BMF: variants seen among roughly 807,000 people sequenced by gnomAD.
BMF encodes the protein bcl-2-modifying factor.
A neutral mutation model predicts 22.0 loss-of-function variants in BMF; 10 were observed. That is an observed-to-expected ratio of 0.45 (90% CI 0.28 to 0.77). The LOEUF (loss-of-function observed/expected upper bound fraction) is 0.77, where lower values mean the gene tolerates loss of function less well. BMF is among the 30% of genes least tolerant of loss of function. The probability of loss-of-function intolerance (pLI) is 0.13; values close to 1 mark genes in which losing one functional copy is unlikely to be tolerated. For synonymous variants in BMF, 87 were observed against 88.1 expected (o/e 0.99, Z 0.07); for missense variants, 206 against 226.8 (o/e 0.91, Z 0.59).
At chr15:40,096,964 G>A (rs1186466598) in intron 4 of BMF, among the ~76,000 whole-genome samples, 1 of 152,210 alleles carries the variant, frequency 6.6e-6, no homozygotes, top group Non-Finnish European at 1.5e-5. Context: ...TCTAGGGGAA[G>A]GTGCACAGTC....
chr15:40,100,331 T>C (rs190147685), intron 4 of BMF, among the ~76,000 whole-genome samples: 2 of 152,224 alleles, frequency 1.3e-5, no homozygotes, highest in East Asian at 3.9e-4. Context: ...ATCTGCACCA[T>C]GCTCTTCCAT....
intron 4 of BMF, among the ~76,000 whole-genome samples, chr15:40,102,416 C>CAAA (rs71132141): frequency 4.2e-3 from 406 of 95,644 alleles, no homozygotes; most frequent in East Asian, 8.2e-3. Flanking sequence ...GCGAAAGAGC[C>CAAA]AAAAAAAAAA....
chr15:40,104,214 A>G lies in BMF; in HGVS notation c.419T>C (p.Ile140Thr). Residue 140 changes from isoleucine to threonine, a missense_variant, in exon 4 of 5, where the codon ATT becomes ACT. Physicochemically the swap from Ile to Thr is moderately conservative, Grantham distance 89. Transcript: ENST00000354670. ...ATGAAGCCGGTGGAACTGGTCTGCA[A>G]TGCACTGAAGCTTTCGGGCAATCTG... ...EVQIARKLQC[I>T]ADQFHRLHVQ... is the part of the protein sequence containing the mutation. The G allele has an allele frequency of 6.2e-7, 1 of 1,614,206 alleles. No individual in the cohort carries two copies. The highest frequency in any genetic ancestry group is 8.5e-7 in the Non-Finnish European group (1 of 1,180,024).
At chr15:40,092,594 G>A (rs1467832515) in intron 4 of BMF, among the ~76,000 whole-genome samples, 1 of 152,130 alleles carries the variant, frequency 6.6e-6, no homozygotes, top group Non-Finnish European at 1.5e-5. Flanking sequence ...CCTACTGACT[G>A]GAGCCAATTA....
At position 40,105,852 on chromosome 15, in the gene BMF, T is replaced by C. The variant is rs780180283; in HGVS notation, c.235A>G (p.Ser79Gly). ...ATQTLSPASPSQGVMLPCGVT... is the reference protein window; with the variant it reads ...ATQTLSPASPGQGVMLPCGVT... The stretch of plus-strand genomic sequence containing the variant: ...CCACAAGGCAGCATGACACCTTGGC[T>C]GGGGGAGGCTGGGCTGAGAGTCTGG... The change falls in exon 3 of 5, where the codon AGC becomes GGC. Residue 79 changes from serine (S) to glycine (G), a missense_variant. Physicochemically the swap from Ser to Gly is moderately conservative, Grantham distance 56. Transcript: ENST00000354670. 3 of 1,613,894 alleles carry C rather than the reference T, an allele frequency of 1.9e-6. No individual in the cohort carries two copies. In the East Asian group the frequency reaches 6.7e-5, roughly 36 times the overall value.
At position 40,106,797 on chromosome 15, in the gene BMF, C is replaced by T. The variant is rs2036597832; in HGVS notation, c.-5-706G>A. Among the ~76,000 whole-genome samples, 1 of 152,192 alleles carries T rather than the reference C, an allele frequency of 6.6e-6. No homozygotes were observed. Among genetic ancestry groups the T allele is most frequent in the Admixed American group, 6.5e-5 (1 of 15,284 alleles). On this transcript the variant is annotated intron_variant, in intron 2 of 4. Coordinates refer to ENST00000354670, the MANE Select transcript of BMF (RefSeq NM_001003940.2). The surrounding 1 kb of genome is among the most constrained non-coding windows in gnomAD (Gnocchi z 4.1). ...AGACCCAAGCTAGTCATTGCAGCTG[C>T]CGTCTCGGCTCTCTTTGAGCAGAGT...
At chr15:40,100,547 G>T (rs954933091) in intron 4 of BMF, among the ~76,000 whole-genome samples, 1 of 152,212 alleles carries the variant, frequency 6.6e-6, no homozygotes, top group Admixed American at 6.5e-5. Context: ...CAACTCTCTT[G>T]CTGCTTTGGA....
intron 4 of BMF, among the ~76,000 whole-genome samples, chr15:40,092,653 A>G (rs2036264219): frequency 6.6e-6 from 1 of 152,194 alleles, no homozygotes; most frequent in South Asian, 2.1e-4. Flanking sequence ...CAAAGAATAT[A>G]TACTATGCTC....
chr15:40,104,481 G>A (rs1355671176), intron 3 of BMF, 141 bp from the exon 4 acceptor site: 1 of 1,089,456 alleles, frequency 9.2e-7, no homozygotes, highest in Non-Finnish European at 1.3e-6. Flanking sequence ...CTCTATTGGA[G>A]CACTCTGCCA....
intron 4 of BMF, among the ~76,000 whole-genome samples, chr15:40,103,754 T>G (rs1157112411): frequency 6.6e-6 from 1 of 152,212 alleles, no homozygotes; most frequent in Non-Finnish European, 1.5e-5. Context: ...TCCCTTGGCC[T>G]GGTTACCCGT....
At chr15:40,104,746 A>T (rs893407277) in intron 3 of BMF, among the ~76,000 whole-genome samples, 1 of 152,228 alleles carries the variant, frequency 6.6e-6, no homozygotes, top group African/African-American at 2.4e-5. Context: ...TGGGTTGAGC[A>T]AAGTAAGAGG....
At chr15:40,107,158 G>T (rs758269485) in intron 2 of BMF, among the ~76,000 whole-genome samples, 1 of 152,110 alleles carries the variant, frequency 6.6e-6, no homozygotes, top group Non-Finnish European at 1.5e-5. Context: ...CACATACCAG[G>T]AACTGCTTAG....
intron 4 of BMF, among the ~76,000 whole-genome samples, chr15:40,099,544 C>G (rs2036432095): frequency 6.6e-6 from 1 of 152,016 alleles, no homozygotes. Context: ...TTTGGGAGGC[C>G]GAGATGGGCG....
intron 3 of BMF, 127 bp from the exon 4 acceptor site, chr15:40,104,467 C>T: frequency 8.0e-7 from 1 of 1,247,822 alleles, no homozygotes; most frequent in Non-Finnish European, 1.1e-6. Flanking sequence ...AGGAGCCAGC[C>T]TGCCTCTATT....
chr15:40,098,493 G>A (rs751328769), intron 4 of BMF, among the ~76,000 whole-genome samples: 4 of 151,736 alleles, frequency 2.6e-5, no homozygotes, highest in Non-Finnish European at 5.9e-5. Flanking sequence ...CCTGTTGTGT[G>A]TATTATGCTA....
At chr15:40,101,058 G>A (rs903304904) in intron 4 of BMF, among the ~76,000 whole-genome samples, 1 of 152,148 alleles carries the variant, frequency 6.6e-6, no homozygotes, top group South Asian at 2.1e-4. Flanking sequence ...CCGCAATGAT[G>A]GGGAATGACT....
At chr15:40,101,978 G>GT (rs2036485736) in intron 4 of BMF, among the ~76,000 whole-genome samples, 2 of 152,154 alleles carry the variant, frequency 1.3e-5, no homozygotes, top group African/African-American at 4.8e-5. Context: ...CCAGTGTGGA[G>GT]TAAGGTGCAA....
intron 4 of BMF, among the ~76,000 whole-genome samples, chr15:40,100,485 T>G (rs2036454205): frequency 6.6e-6 from 1 of 152,114 alleles, no homozygotes; most frequent in Non-Finnish European, 1.5e-5. Context: ...CAAAGGAAGG[T>G]GGGATGTGTG....
In BMF at chr15:40,105,783, G is replaced by A. The variant is rs1233408666; in HGVS notation, c.292+12C>T. 3 of 1,586,364 alleles carry A rather than the reference G, an allele frequency of 1.9e-6. No homozygotes were observed. The highest frequency in any genetic ancestry group is 2.2e-5 in the East Asian group (1 of 44,494). ...TCTCTATGGGAGGAGTCTTGAGGCT[G>A]AGAGCACTCACCATAAAAGAGTCGC... On this transcript the variant is annotated intron_variant, in intron 3 of 4. Coordinates refer to ENST00000354670, the MANE Select transcript of BMF (RefSeq NM_001003940.2).
Sources: gnomAD v4.1 joint callset for allele counts (sites outside exome capture counted in the v4.1 genomes callset) on GRCh38, gnomAD v4.1.1 for gene constraint, Gnocchi (gnomAD v3.1) non-coding constraint, MANE v1.5 for transcripts, NCBI Gene and HGNC (gene_info 2026-07-23, HGNC 2026-07-21) for gene names.